TBCK: variants seen among roughly 807,000 people sequenced by gnomAD.
TBCK encodes TBC1 domain containing kinase, also known as TBC domain-containing protein kinase-like protein.
In TBCK, 99 loss-of-function variants were observed where a neutral mutation model predicts 113.4. The ratio of observed to expected loss-of-function variants is 0.87; its 90% CI spans 0.74 to 1.03. TBCK has a LOEUF of 1.03. Ranked by LOEUF, TBCK falls within the 50% of genes least tolerant of loss-of-function variation. The pLI, the probability that TBCK is intolerant of heterozygous loss-of-function variation, is 0.00. For missense variants in TBCK, 1,045 were observed against 1,061.3 expected, an observed-to-expected ratio of 0.98 and a Z score of 0.21; for synonymous variants, 369 against 370.8, an observed-to-expected ratio of 1.00 and a Z score of 0.05.
intron 3 of TBCK, among the ~76,000 whole-genome samples, chr4:106,289,367 T>G (rs1250181923): frequency 1.3e-5 from 2 of 152,260 alleles, no homozygotes; most frequent in East Asian, 3.8e-4. Context: ...ATTGAAATTT[T>G]AAATGTAGAC....
At chr4:106,091,473 G>A (rs756636546) in intron 25 of TBCK, among the ~76,000 whole-genome samples, 1 of 152,168 alleles carries the variant, frequency 6.6e-6, no homozygotes. Context: ...AGTTCTTAAA[G>A]GCAGCGCGTC....
intron 24 of TBCK, among the ~76,000 whole-genome samples, chr4:106,104,361 T>C (rs1387521279): frequency 1.3e-5 from 2 of 152,226 alleles, no homozygotes; most frequent in Non-Finnish European, 2.9e-5. Flanking sequence ...CCATCTTTGC[T>C]GTTCAGACAC....
At chr4:106,201,215 A>T (rs1472613499) in intron 20 of TBCK, among the ~76,000 whole-genome samples, 1 of 151,950 alleles carries the variant, frequency 6.6e-6, no homozygotes, top group African/African-American at 2.4e-5. Flanking sequence ...TTAATAAATA[A>T]GTAATGTACT....
intron 23 of TBCK, among the ~76,000 whole-genome samples, chr4:106,125,624 T>C (rs1307533204): frequency 2.0e-5 from 3 of 152,194 alleles, no homozygotes; most frequent in Non-Finnish European, 4.4e-5. Flanking sequence ...AAATATTGCA[T>C]GTTCTGACTC....
intron 2 of TBCK, among the ~76,000 whole-genome samples, chr4:106,304,276 G>A (rs1037582427): frequency 2.8e-4 from 42 of 151,844 alleles, no homozygotes; most frequent in African/African-American, 9.0e-4. Context: ...AAAAGGTGGG[G>A]GACAAAAAGC....
In TBCK at chr4:106,271,554, C is replaced by T. The variant is rs181375428; in HGVS notation, c.267-9342G>A. Among the ~76,000 whole-genome samples the T allele has an allele frequency of 5.3e-5, 8 of 152,012 alleles. No individual in the cohort carries two copies. The East Asian group carries it at 9.7e-4, about 18-fold the overall frequency. On this transcript the variant is annotated intron_variant, in intron 3 of 25. Coordinates refer to ENST00000394708, the MANE Select transcript of TBCK (RefSeq NM_001163435.3). The stretch of plus-strand genomic sequence containing the variant: ...ATCACCTGAGGTCAGGAGTTCCAGA[C>T]CAGACTAACCAACATGGCAAAACCC...
chr4:106,251,539 T>C (rs925724687), intron 6 of TBCK, among the ~76,000 whole-genome samples: 3 of 151,960 alleles, frequency 2.0e-5, no homozygotes, highest in Non-Finnish European at 4.4e-5. Context: ...TTCATTTCAA[T>C]ATCTTGTTAA....
intron 25 of TBCK, among the ~76,000 whole-genome samples, chr4:106,088,130 G>A (rs1047897875): frequency 1.3e-5 from 2 of 152,186 alleles, no homozygotes; most frequent in Admixed American, 6.5e-5. Flanking sequence ...AAGAGCTCCT[G>A]CACAGCAAAA....
rs1411145109 is a variant in TBCK at position 106,235,290 on chromosome 4, C to G, written c.1428G>C (p.Trp476Cys). The G allele has an allele frequency of 6.2e-7, 1 of 1,607,286 alleles. No individual in the cohort carries two copies. Reference sequence around the variant, plus strand: ...TTACCTCAACTCCCAGAAGAGCAGCCCAGGTTAAACCTCTCATAAGAGGAG... The same window carrying G: ...TTACCTCAACTCCCAGAAGAGCAGCGCAGGTTAAACCTCTCATAAGAGGAG... ...DIPPLMRGLT[W>C]AALLGVEGAI... The change falls in exon 15 of 26, where the codon TGG becomes TGC. Residue 476 changes from tryptophan to cysteine, a missense_variant. Physicochemically the swap from Trp to Cys is radical, Grantham distance 215. Transcript: ENST00000394708.
chr4:106,231,629 A>G, intron 18 of TBCK, 100 bp downstream of exon 18: 2 of 987,754 alleles, frequency 2.0e-6, no homozygotes, highest in Non-Finnish European at 3.0e-6. Context: ...TACCAGGGAG[A>G]GAATAAGAGC....
At chr4:106,123,513 A>G (rs1385251832) in intron 23 of TBCK, among the ~76,000 whole-genome samples, 6 of 152,178 alleles carry the variant, frequency 3.9e-5, no homozygotes, top group Non-Finnish European at 7.3e-5. Context: ...ACAGAATTGG[A>G]AAAAACTACT....
intron 2 of TBCK, among the ~76,000 whole-genome samples, chr4:106,299,146 T>C (rs1420973436): frequency 6.6e-6 from 1 of 152,122 alleles, no homozygotes; most frequent in East Asian, 1.9e-4. Context: ...GCATCACAGG[T>C]GTCTAGAATG....
chr4:106,219,150 C>T (rs1757357387), intron 19 of TBCK, among the ~76,000 whole-genome samples: 1 of 142,904 alleles, frequency 7.0e-6, no homozygotes. Flanking sequence ...TATTCTCACT[C>T]ATAGGTGGGA....
chr4:106,153,804 T>C (rs1748802895), intron 23 of TBCK, among the ~76,000 whole-genome samples: 1 of 152,192 alleles, frequency 6.6e-6, no homozygotes, highest in East Asian at 1.9e-4. Context: ...CATTATATAA[T>C]GACTTTCTTC....
At chr4:106,229,858 T>C (rs1758662206) in intron 19 of TBCK, among the ~76,000 whole-genome samples, 2 of 152,066 alleles carry the variant, frequency 1.3e-5, no homozygotes, top group South Asian at 4.1e-4. Context: ...GCTAAAGTTG[T>C]CCTGAATGAA....
At chr4:106,074,467 C>T (rs1478214778) in intron 25 of TBCK, among the ~76,000 whole-genome samples, 1 of 152,154 alleles carries the variant, frequency 6.6e-6, no homozygotes, top group African/African-American at 2.4e-5. Context: ...CCATATATGC[C>T]TAATCTAAAA....
intron 19 of TBCK, among the ~76,000 whole-genome samples, chr4:106,220,134 A>G (rs961395709): frequency 6.6e-6 from 1 of 152,142 alleles, no homozygotes; most frequent in South Asian, 2.1e-4. Flanking sequence ...CTGTGTCCCC[A>G]CCCAAATCTC....
chr4:106,109,136 A>G (rs927144735), intron 24 of TBCK, among the ~76,000 whole-genome samples: 5 of 152,098 alleles, frequency 3.3e-5, no homozygotes, highest in Non-Finnish European at 7.4e-5. Context: ...AGAAGACACA[A>G]ACAAATGGAA....
chr4:106,094,690 AGGTT>A (rs1271660814), intron 25 of TBCK, among the ~76,000 whole-genome samples: 2 of 152,000 alleles, frequency 1.3e-5, no homozygotes, highest in Non-Finnish European at 2.9e-5. Context: ...GTGCCCTGGG[AGGTT>A]GAAGGATTTA....
Sources: allele counts gnomAD v4.1 joint callset (sites outside exome capture counted in the v4.1 genomes callset), GRCh38; gene constraint gnomAD v4.1.1; transcripts MANE v1.5; gene names NCBI Gene and HGNC (gene_info 2026-07-23, HGNC 2026-07-21).